Variants in VPS13B observed in about 807,000 individuals in gnomAD.
VPS13B encodes the protein vacuolar protein sorting 13 homolog B.
VPS13B carries 285 observed loss-of-function variants against 426.4 expected under a neutral mutation model. That is an observed-to-expected ratio of 0.67 (90% CI 0.61 to 0.74). The LOEUF is 0.74. VPS13B is among the 30% of genes least tolerant of loss of function. The pLI, the probability that VPS13B is intolerant of heterozygous loss-of-function variation, is 0.00. For synonymous variants in VPS13B, 1,676 were observed against 1,676.4 expected, an observed-to-expected ratio of 1.00 and a Z score of 0.01; for missense variants, 4,537 against 4,782.6, an observed-to-expected ratio of 0.95 and a Z score of 1.51.
chr8:99,863,345 C>G lies in VPS13B; in HGVS notation c.11215+1399C>G, dbSNP rs538038891. Among the ~76,000 whole-genome samples, 14 of 152,138 alleles carry G rather than the reference C, an allele frequency of 9.2e-5. No homozygotes were observed. In the South Asian group the frequency reaches 2.9e-3, roughly 32 times the overall value. On this transcript the variant is annotated intron_variant, in intron 58 of 61. Coordinates refer to ENST00000357162, the MANE Select transcript of VPS13B (RefSeq NM_152564.5). ...ATCCAATGGATTAAGTGGCTGTAAC[C>G]AGAGGAAGTGACAATGAGGTTATAT...
chr8:99,315,970 C>G (rs1357109228), intron 19 of VPS13B, among the ~76,000 whole-genome samples: 1 of 152,136 alleles, frequency 6.6e-6, no homozygotes, highest in Admixed American at 6.5e-5. Flanking sequence ...TAGGGGAAGG[C>G]TTTTACCTGA....
chr8:99,150,411 A>G (rs1383017359), intron 14 of VPS13B, among the ~76,000 whole-genome samples: 3 of 152,168 alleles, frequency 2.0e-5, no homozygotes, highest in Admixed American at 6.5e-5. Flanking sequence ...CAAAGTCCAC[A>G]GTTTACATTA....
At chr8:99,589,901 C>T (rs1826522377) in intron 33 of VPS13B, among the ~76,000 whole-genome samples, 1 of 152,148 alleles carries the variant, frequency 6.6e-6, no homozygotes, top group African/African-American at 2.4e-5. Context: ...GGAATAGTTT[C>T]AGAAGGAATG....
chr8:99,830,338 C>T (rs1166447523), intron 51 of VPS13B, among the ~76,000 whole-genome samples: 1 of 152,186 alleles, frequency 6.6e-6, no homozygotes, highest in African/African-American at 2.4e-5. Flanking sequence ...GCTACAGCGG[C>T]TTTGCGGGGC....
At chr8:99,870,466 CTTTT>C (rs1365815419) in intron 59 of VPS13B, among the ~76,000 whole-genome samples, 5 of 152,174 alleles carry the variant, frequency 3.3e-5, no homozygotes. Flanking sequence ...CCTATCTAGA[CTTTT>C]TTAACACATC....
intron 30 of VPS13B, among the ~76,000 whole-genome samples, chr8:99,526,098 G>A (rs1040402430): frequency 2.9e-5 from 4 of 140,312 alleles, no homozygotes; most frequent in Admixed American, 7.1e-5. Context: ...CCTGCAGAAA[G>A]AAATGGGGGG....
intron 19 of VPS13B, among the ~76,000 whole-genome samples, chr8:99,293,657 A>G (rs1301755027): frequency 6.6e-6 from 1 of 150,402 alleles, no homozygotes; most frequent in Non-Finnish European, 1.5e-5. Context: ...ACGAAGGGCT[A>G]ATATCCAGAA....
At chr8:99,050,325 G>C (rs1168209527) in intron 3 of VPS13B, among the ~76,000 whole-genome samples, 1 of 151,968 alleles carries the variant, frequency 6.6e-6, no homozygotes, top group Non-Finnish European at 1.5e-5. Context: ...GAGAATGATG[G>C]TTTCCAGCTT....
intron 19 of VPS13B, among the ~76,000 whole-genome samples, chr8:99,369,470 G>C (rs2046936): frequency 6.6e-6 from 1 of 152,014 alleles, no homozygotes; most frequent in East Asian, 1.9e-4. Context: ...TTGTGAGGCA[G>C]TGGGCACGAG....
intron 13 of VPS13B, among the ~76,000 whole-genome samples, chr8:99,145,774 C>A (rs1810681073): frequency 6.6e-6 from 1 of 152,204 alleles, no homozygotes; most frequent in Non-Finnish European, 1.5e-5. Flanking sequence ...TAATGCTGCT[C>A]TGAACAGTTG....
rs200743841 is a variant in VPS13B at position 99,336,144 on chromosome 8, A to T, written c.2825-48064A>T. On this transcript the variant is annotated intron_variant, in intron 19 of 61. Transcript: ENST00000357162. ...CAAGGCTACAGTAACCAAAACAGCAAGGTACTGGTACCAAAACAGAGATAT... is the reference window on the plus strand; with the variant it reads ...CAAGGCTACAGTAACCAAAACAGCATGGTACTGGTACCAAAACAGAGATAT... 3.3e-4 allele frequency among the ~76,000 whole-genome samples: 50 copies of T among 152,242 alleles called. No homozygotes were observed. In the East Asian group the frequency reaches 6.2e-3, roughly 19 times the overall value.
intron 30 of VPS13B, among the ~76,000 whole-genome samples, chr8:99,543,883 A>T (rs1304776252): frequency 6.9e-6 from 1 of 145,756 alleles, no homozygotes; most frequent in South Asian, 2.3e-4. Context: ...AACTAGTTCA[A>T]CCATTGTGGA....
intron 60 of VPS13B, chr8:99,871,127 A>G (rs1817386387): frequency 1.7e-6 from 1 of 601,020 alleles, no homozygotes; most frequent in Non-Finnish European, 2.9e-6. Context: ...AAGGTCATAC[A>G]TTGGCAGAGA....
intron 35 of VPS13B, among the ~76,000 whole-genome samples, chr8:99,692,437 A>G (rs1427370705): frequency 1.4e-5 from 2 of 145,058 alleles, no homozygotes; most frequent in Non-Finnish European, 3.0e-5. Flanking sequence ...CTGCTCCTGA[A>G]TGACTACTGG....
At chr8:99,792,465 C>A (rs1358208696) in intron 43 of VPS13B, among the ~76,000 whole-genome samples, 7 of 151,968 alleles carry the variant, frequency 4.6e-5, no homozygotes. Flanking sequence ...CTTGAGTGGG[C>A]CTAATTTAAT....
At chr8:99,267,445 C>A (rs1235518739) in intron 17 of VPS13B, among the ~76,000 whole-genome samples, 3 of 151,990 alleles carry the variant, frequency 2.0e-5, no homozygotes, top group Non-Finnish European at 2.9e-5. Flanking sequence ...AAAAGAAAAA[C>A]CCGGCTGGAC....
At chr8:99,802,061 G>A (rs1008220989) in intron 43 of VPS13B, among the ~76,000 whole-genome samples, 1 of 151,696 alleles carries the variant, frequency 6.6e-6, no homozygotes, top group Non-Finnish European at 1.5e-5. Context: ...GAGGTGGGAG[G>A]ATCACTTGAG....
At chr8:99,438,630 C>T (rs1296866355) in intron 22 of VPS13B, among the ~76,000 whole-genome samples, 1 of 152,004 alleles carries the variant, frequency 6.6e-6, no homozygotes, top group Non-Finnish European at 1.5e-5. Context: ...AGGATGACAA[C>T]CAAGACAACC....
In VPS13B at chr8:99,115,756, G is replaced by A; in HGVS notation, c.819G>A (p.Met273Ile). The A allele has an allele frequency of 1.2e-6, 2 of 1,613,468 alleles. No homozygotes were observed. Among genetic ancestry groups the A allele is most frequent in the Non-Finnish European group, 1.7e-6 (2 of 1,179,766 alleles). Residue 273 changes from methionine to isoleucine, a missense_variant, in exon 7 of 62, where the codon ATG (methionine) becomes ATA (isoleucine). This residue lies in a region of VPS13B where 4,311 missense variants were observed against 4,474.3 expected (regional missense o/e 0.96). Coordinates refer to ENST00000357162, the MANE Select transcript of VPS13B (RefSeq NM_152564.5). ...KLSITDQQLPMFIRIMQLGIA... is the reference protein window; with the variant it reads ...KLSITDQQLPIFIRIMQLGIA... ...CTATCACAGATCAACAACTGCCTAT[G>A]TTTATTCGTATAATGCAACTTGGAA...
Sources: allele counts gnomAD v4.1 joint callset (sites outside exome capture counted in the v4.1 genomes callset), GRCh38; gene constraint gnomAD v4.1.1; regional missense constraint gnomAD v4.1.1; transcripts MANE v1.5; gene names NCBI Gene and HGNC (gene_info 2026-07-23, HGNC 2026-07-21).